Variants in SLC37A2 observed in about 807,000 individuals in gnomAD.
SLC37A2 encodes the protein glucose-6-phosphate exchanger SLC37A2.
Under a neutral mutation model 70.7 loss-of-function variants are expected in SLC37A2, and 59 were observed. That is an observed-to-expected ratio of 0.83 (90% CI 0.68 to 1.04). The LOEUF is 1.04. Ranked by LOEUF, SLC37A2 falls within the 50% of genes least tolerant of loss-of-function variation. The pLI is 0.00. For missense variants in SLC37A2, 580 were observed against 658.1 expected (o/e 0.88, Z 1.30); for synonymous variants, 257 against 262.1 (o/e 0.98, Z 0.19).
At position 125,080,885 on chromosome 11, in the gene SLC37A2, C is replaced by G. The variant is rs1415098861; in HGVS notation, c.694+105C>G. 9.8e-7 allele frequency: 1 copy of G among 1,019,002 alleles called. No homozygotes were observed. Among genetic ancestry groups the G allele is most frequent in the Non-Finnish European group, 1.3e-6 (1 of 763,896 alleles). 63.1% of individuals were successfully genotyped at this position (1,019,002 alleles called of 1,614,324 possible). On this transcript the variant is annotated intron_variant, in intron 7 of 17. Coordinates refer to ENST00000403796, the MANE Select transcript of SLC37A2 (RefSeq NM_001145290.2). The surrounding 1 kb of genome is among the most constrained non-coding windows in gnomAD (Gnocchi z 4.3). Reference sequence around the variant, plus strand: ...GATTGCTGGTCACAGAGTGGGAGGACCAGCCGTGTGACTTTGGACAATCTT... The same window carrying G: ...GATTGCTGGTCACAGAGTGGGAGGAGCAGCCGTGTGACTTTGGACAATCTT...
chr11:125,068,375 C>T (rs1949000743), intron 1 of SLC37A2, among the ~76,000 whole-genome samples: 1 of 152,142 alleles, frequency 6.6e-6, no homozygotes, highest in South Asian at 2.1e-4. Flanking sequence ...GATTTGGATT[C>T]CTATCAAACA....
chr11:125,087,883 C>T (rs748683337), intron 17 of SLC37A2: 14 of 415,396 alleles, frequency 3.4e-5, no homozygotes, highest in Admixed American at 3.8e-5. Context: ...TCACCCGCCT[C>T]GGCCTCCCAA....
chr11:125,086,749 G>A (rs1182211674), intron 17 of SLC37A2: 1 of 221,188 alleles, frequency 4.5e-6, no homozygotes, highest in Non-Finnish European at 9.1e-6. Flanking sequence ...CAGTGGCTGA[G>A]GCTACACAGT....
In SLC37A2 at chr11:125,080,514, T is replaced by C; in HGVS notation, c.528-100T>C. The C allele has an allele frequency of 8.6e-7, 1 of 1,159,024 alleles. No homozygotes were observed. The highest frequency in any genetic ancestry group is 1.1e-6 in the Non-Finnish European group (1 of 872,962). The allele number at this position is 1,159,024 out of a possible 1,614,324, so 71.8% of individuals were successfully genotyped here. A position where few individuals can be genotyped will look rare whatever the true frequency, so the allele number is the denominator to read the frequency against. On this transcript the variant is annotated intron_variant, in intron 6 of 17. Transcript: ENST00000403796. This position sits in a 1 kb window ranked among gnomAD's most constrained non-coding sequence, Gnocchi z 4.3. ...TGTCTTTGGTGCCTCGGGGAAGCTG[T>C]AGTCAGCCCAGCTTTAGAGCTTGGC...
intron 17 of SLC37A2, chr11:125,086,428 G>A: frequency 1.5e-6 from 1 of 657,108 alleles, no homozygotes; most frequent in Non-Finnish European, 2.7e-6. Flanking sequence ...TGTTTTCCAA[G>A]GGGTCTGAGA....
intron 1 of SLC37A2, among the ~76,000 whole-genome samples, chr11:125,064,313 T>C (rs1013485699): frequency 6.6e-6 from 1 of 151,968 alleles, no homozygotes; most frequent in Non-Finnish European, 1.5e-5. Context: ...CTGGCCAACA[T>C]CGTGAGACCA....
chr11:125,068,818 A>C (rs1031973228), intron 1 of SLC37A2, among the ~76,000 whole-genome samples: 2 of 152,222 alleles, frequency 1.3e-5, no homozygotes, highest in Non-Finnish European at 2.9e-5. Context: ...AATACAGGCC[A>C]GGGTGCAGAC....
At chr11:125,088,020 T>A (rs1949241530) in intron 17 of SLC37A2, 99 bp from the exon 18 acceptor site, 1 of 1,332,606 alleles carries the variant, frequency 7.5e-7, no homozygotes, top group Non-Finnish European at 1.1e-6. Flanking sequence ...AAAGCAATGA[T>A]GAAGGGACCC....
At chr11:125,085,775 C>A in intron 16 of SLC37A2, 101 bp downstream of exon 16, 2 of 1,362,174 alleles carry the variant, frequency 1.5e-6, no homozygotes, top group South Asian at 1.2e-5. Flanking sequence ...GGTTCTGGGG[C>A]AATGAGAGCA....
chr11:125,074,875 T>C (rs1476369212), intron 1 of SLC37A2, among the ~76,000 whole-genome samples: 1 of 152,206 alleles, frequency 6.6e-6, no homozygotes, highest in East Asian at 1.9e-4. Flanking sequence ...GTCACCATGG[T>C]CAGTGGCCAA....
chr11:125,084,956 C>T lies in SLC37A2; in HGVS notation c.1174+83C>T, dbSNP rs564117890. 1.9e-6 allele frequency: 3 copies of T among 1,596,438 alleles called. No homozygotes were observed. The South Asian group carries it at 3.3e-5, about 18-fold the overall frequency. On this transcript the variant is annotated intron_variant, in intron 13 of 17. Coordinates refer to ENST00000403796, the MANE Select transcript of SLC37A2 (RefSeq NM_001145290.2). ...CCATGAGGCTGGCCCACGGGGGGCA[C>T]TGACAGGTGGAGGGGCTGGGAGGGC...
Position 125,085,144 on chromosome 11 carries a change from G to A in SLC37A2, c.1248+5G>A. The A allele has an allele frequency of 6.2e-7, 1 of 1,613,424 alleles. No homozygotes were observed. The highest frequency in any genetic ancestry group is 8.5e-7 in the Non-Finnish European group (1 of 1,179,630). ...ACTGCTGTCTCTGCTGATCTGGTGA[G>A]TGGGGCCACCTCCCGAGGGCCAGGG... On this transcript the variant is annotated splice_donor_5th_base_variant and intron_variant, in intron 14 of 17. Transcript: ENST00000403796.
chr11:125,080,731 C>A lies in SLC37A2; in HGVS notation c.645C>A (p.Gly215=), dbSNP rs754582048. ...GGGGCCTGTCGTTCATCGTGCCTGGCATCATTACTGCCGTCATGGGCGTCA... is the reference window on the plus strand; with the variant it reads ...GGGGCCTGTCGTTCATCGTGCCTGGAATCATTACTGCCGTCATGGGCGTCA... ...GQWGLSFIVP[G]IITAVMGVIT... Residue 215 remains glycine, a synonymous_variant, in exon 7 of 18, where the codon GGC becomes GGA. Coordinates refer to ENST00000403796, the MANE Select transcript of SLC37A2 (RefSeq NM_001145290.2). The surrounding 1 kb of genome is among the most constrained non-coding windows in gnomAD (Gnocchi z 4.3). 6.4e-7 allele frequency: 1 copy of A among 1,559,170 alleles called. No individual in the cohort carries two copies. The highest frequency in any genetic ancestry group is 2.5e-5 in the East Asian group (1 of 40,624).
intron 7 of SLC37A2, 42 bp from the exon 8 acceptor site, chr11:125,081,379 C>T (rs374791792): frequency 3.3e-5 from 40 of 1,200,514 alleles, no homozygotes; most frequent in Middle Eastern, 2.1e-4. Flanking sequence ...ATTGGGGGGG[C>T]GGGGGTTGGG....
At position 125,087,962 on chromosome 11, in the gene SLC37A2, T is replaced by C; in HGVS notation, c.1491-157T>C. ...TTAAATATTAATCTAGCTTGCTATT[T>C]CCTGCCTGAGAGGTGAAAGGGAGGC... On this transcript the variant is annotated intron_variant, in intron 17 of 17. Transcript: ENST00000403796. 12 of 771,230 alleles carry C rather than the reference T, an allele frequency of 1.6e-5. 1 individual carries two copies. The South Asian group carries it at 1.8e-4, about 12-fold the overall frequency. 47.8% of individuals were successfully genotyped at this position (771,230 alleles called of 1,614,324 possible).
At position 125,079,129 on chromosome 11, in the gene SLC37A2, G is replaced by A. The variant is rs745958927; in HGVS notation, c.332G>A (p.Arg111Gln). 30 of 1,614,058 alleles carry A rather than the reference G, an allele frequency of 1.9e-5. No homozygotes were observed. Among genetic ancestry groups the A allele is most frequent in the South Asian group, 1.6e-4 (15 of 91,086 alleles). Residue 111 changes from arginine to glutamine, a missense_variant, in exon 5 of 18, where the codon CGG becomes CAG. Arg to Gln is a conservative substitution (Grantham distance 43). Coordinates refer to ENST00000403796, the MANE Select transcript of SLC37A2 (RefSeq NM_001145290.2). ...GMFISGVFGE[R>Q]LPLRYYLSAG... ...TTCCCCAGTGGGGTTTTTGGGGAGC[G>A]GCTTCCGCTCCGTTACTACCTCTCA...
intron 9 of SLC37A2, 40 bp downstream of exon 9, chr11:125,081,946 C>T: frequency 1.3e-6 from 2 of 1,559,436 alleles, no homozygotes; most frequent in Non-Finnish European, 1.7e-6. Context: ...AGGGGCTTTC[C>T]AGATTTTTTC....
intron 6 of SLC37A2, 123 bp downstream of exon 6, chr11:125,079,883 T>G (rs1288550421): frequency 1.3e-6 from 1 of 750,778 alleles, no homozygotes; most frequent in Non-Finnish European, 2.3e-6. Context: ...ACGTTGCTGT[T>G]CACGTGCTTA....
At chr11:125,079,608 A>T in intron 5 of SLC37A2, 76 bp from the exon 6 acceptor site, 1 of 1,204,944 alleles carries the variant, frequency 8.3e-7, no homozygotes, top group Non-Finnish European at 1.2e-6. Flanking sequence ...GAACCTCCTC[A>T]GCCCAGGGTG....
Sources: gnomAD v4.1 joint callset for allele counts (sites outside exome capture counted in the v4.1 genomes callset) on GRCh38, gnomAD v4.1.1 for gene constraint, Gnocchi (gnomAD v3.1) non-coding constraint, MANE v1.5 for transcripts, NCBI Gene and HGNC (gene_info 2026-07-23, HGNC 2026-07-21) for gene names.